ENOSF1: variants seen among roughly 807,000 people sequenced by gnomAD.
ENOSF1 encodes the protein enolase superfamily member 1.
ENOSF1 carries 73 observed loss-of-function variants against 68.2 expected under a neutral mutation model. That is an observed-to-expected ratio of 1.07 (90% CI 0.89 to 1.30). The LOEUF (loss-of-function observed/expected upper bound fraction) is 1.30, where lower values mean the gene tolerates loss of function less well. Among genes scored for constraint, ENOSF1 ranks in the 50% most tolerant of loss-of-function variants. The probability of loss-of-function intolerance (pLI) is 0.00; values close to 1 mark genes in which losing one functional copy is unlikely to be tolerated. For synonymous variants in ENOSF1, 223 were observed against 210.4 expected (o/e 1.06, Z -0.52); for missense variants, 589 against 554.5 (o/e 1.06, Z -0.62).
At chr18:699,503 A>C (rs1398411986) in intron 2 of ENOSF1, among the ~76,000 whole-genome samples, 1 of 151,784 alleles carries the variant, frequency 6.6e-6, no homozygotes, top group Admixed American at 6.6e-5. Context: ...TAATAATAAT[A>C]ATATAAAGGC....
chr18:689,776 G>T (rs942409781), intron 8 of ENOSF1, among the ~76,000 whole-genome samples: 1 of 152,162 alleles, frequency 6.6e-6, no homozygotes, highest in African/African-American at 2.4e-5. Flanking sequence ...TTTTGTACGT[G>T]AACGAGAGAG....
chr18:706,297 G>A (rs1354890362), intron 2 of ENOSF1, among the ~76,000 whole-genome samples, 173 bp downstream of exon 2: 1 of 134,096 alleles, frequency 7.5e-6, no homozygotes, highest in Non-Finnish European at 1.6e-5. Flanking sequence ...ATTTCTCCCA[G>A]TGAAACAAGT....
chr18:693,833 T>C (rs772966644), intron 5 of ENOSF1, 49 bp downstream of exon 5: 5 of 1,610,808 alleles, frequency 3.1e-6, no homozygotes, highest in Non-Finnish European at 3.4e-6. Flanking sequence ...TCATCAATGA[T>C]ATCCATTTCA....
At position 691,321 on chromosome 18, in the gene ENOSF1, G is replaced by T. The variant is rs768349528; in HGVS notation, c.424-45C>A. 16 of 1,494,338 alleles carry T rather than the reference G, an allele frequency of 1.1e-5. No homozygotes were observed. The South Asian group carries it at 1.9e-4, about 18-fold the overall frequency. The allele number at this position is 1,494,338 out of a possible 1,614,324, so 92.6% of individuals were successfully genotyped here. A position where few individuals can be genotyped will look rare whatever the true frequency, so the allele number is the denominator to read the frequency against. On this transcript the variant is annotated intron_variant, in intron 5 of 15. Transcript: ENST00000647584. ...GGAAGAGGCCTGAATCAATTATAAG[G>T]TGGGTTATATTTTGTTTTTTAAAAT...
intron 1 of ENOSF1, among the ~76,000 whole-genome samples, chr18:708,513 A>G (rs1306764573): frequency 6.6e-6 from 1 of 152,186 alleles, no homozygotes; most frequent in African/African-American, 2.4e-5. Context: ...TCTAAAATAA[A>G]TAAATAAAAA....
In ENOSF1 at chr18:674,331, T is replaced by C. The variant is rs1305761428; in HGVS notation, c.1306A>G (p.Lys436Glu). The C allele has an allele frequency of 6.2e-7, 1 of 1,612,276 alleles. No homozygotes were observed. ...HQYPDGEVWK[K>E]LLPAQEN ...TAATTTTCTTGAGCAGGAAGGAGTT[T>C]CTTCCAAACTTCACCATCTGGATAC... is the stretch of plus-strand genomic sequence containing the variant. Residue 436 changes from lysine (K) to glutamate (E), a missense_variant, in exon 16 of 16, where the codon AAA (lysine) becomes GAA (glutamate). Transcript: ENST00000647584.
rs913894727 is a variant in ENOSF1 at position 677,796 on chromosome 18, A to C, written c.995T>G (p.Leu332Arg). Residue 332 changes from leucine (L) to arginine (R), a missense_variant, in exon 13 of 16, where the codon CTG (leucine) becomes CGG (arginine). Transcript: ENST00000647584. Reference protein sequence around the residue: ...LQFLQIDSCRLGSVNENLSVL... With the variant: ...LQFLQIDSCRRGSVNENLSVL... The stretch of plus-strand genomic sequence containing the variant: ...TGAGAGGTTCTCATTGACACTGCCC[A>C]GTCTGCAACTGTCAATCTGGAGGAA... 6.2e-7 allele frequency: 1 copy of C among 1,614,070 alleles called. No homozygotes were observed. Among genetic ancestry groups the C allele is most frequent in the African/African-American group, 1.3e-5 (1 of 74,924 alleles).
At chr18:698,035 C>A (rs1228722023) in intron 2 of ENOSF1, among the ~76,000 whole-genome samples, 1 of 152,174 alleles carries the variant, frequency 6.6e-6, no homozygotes, top group Non-Finnish European at 1.5e-5. Flanking sequence ...CTCAAGTGAT[C>A]CACCCGCCTT....
chr18:681,897 T>C (rs1257948641), intron 11 of ENOSF1, among the ~76,000 whole-genome samples: 2 of 152,202 alleles, frequency 1.3e-5, no homozygotes, highest in African/African-American at 4.8e-5. Flanking sequence ...ATGTAGATCA[T>C]GTGCTGATTT....
At chr18:667,173 TGATGGTGATGGTGATGGA>T (rs2074855903), downstream of ENOSF1, among the ~76,000 whole-genome samples, 2 of 67,314 alleles carry the variant, frequency 3.0e-5, no homozygotes, top group East Asian at 5.3e-4. Context: ...ATGGTGATGG[TGATGGTGATGGTGATGGA>T]GATGGTGATG....
chr18:688,028 G>C lies in ENOSF1; in HGVS notation c.653+546C>G, dbSNP rs554887571. The C allele has an allele frequency of 9.9e-4, 152 of 153,694 alleles. No homozygotes were observed. In the Middle Eastern group the frequency reaches 0.01, roughly 10 times the overall value. The allele number at this position is 153,694 out of a possible 1,614,324, so 9.5% of individuals were successfully genotyped here. A position where few individuals can be genotyped will look rare whatever the true frequency, so the allele number is the denominator to read the frequency against. On this transcript the variant is annotated intron_variant, in intron 9 of 15. Coordinates refer to ENST00000647584, the MANE Select transcript of ENOSF1 (RefSeq NM_017512.7). ...TTAAAAATACAAAAATTAGCCAGGT[G>C]TGGTGGCGGGTGTCTGTAATCCCAG...
intron 11 of ENOSF1, 109 bp downstream of exon 11, chr18:683,137 C>T: frequency 1.5e-6 from 2 of 1,342,264 alleles, no homozygotes; most frequent in Middle Eastern, 1.9e-4. Flanking sequence ...GCTACTTCAA[C>T]AGGAAATGCA....
At position 706,518 on chromosome 18, in the gene ENOSF1, T is replaced by G. The variant is rs1337026417; in HGVS notation, c.145A>C (p.Ile49Leu). ...GTGAAGGTAATTCCACACCCCTTGATTCCATCTTCTGCATCAGTTTCTATG... is the reference window on the plus strand; with the variant it reads ...GTGAAGGTAATTCCACACCCCTTGAGTCCATCTTCTGCATCAGTTTCTATG... ...VVIETDAEDGIKGCGITFTLG... is the reference protein window; with the variant it reads ...VVIETDAEDGLKGCGITFTLG... The change falls in exon 2 of 16, where the codon ATC (isoleucine) becomes CTC (leucine). Residue 49 changes from isoleucine to leucine, a missense_variant. Physicochemically the swap from Ile to Leu is conservative, Grantham distance 5. Transcript: ENST00000647584. 1.2e-6 allele frequency: 2 copies of G among 1,613,882 alleles called. No individual in the cohort carries two copies. The highest frequency in any genetic ancestry group is 1.7e-5 in the Admixed American group (1 of 59,982).
At chr18:677,721 G>GAT in intron 13 of ENOSF1, 22 bp downstream of exon 13, 2 of 1,605,714 alleles carry the variant, frequency 1.2e-6, no homozygotes, top group Non-Finnish European at 1.7e-6. Context: ...GGTCTGGTCT[G>GAT]CAGCCGCTGC....
chr18:694,547 G>A (rs990652595), intron 3 of ENOSF1, among the ~76,000 whole-genome samples: 22 of 150,772 alleles, frequency 1.5e-4, no homozygotes, highest in Non-Finnish European at 8.8e-5. Context: ...AGGATCTCTC[G>A]AACCCAGAAG....
chr18:697,519 G>C (rs567742179), intron 2 of ENOSF1, among the ~76,000 whole-genome samples, 164 bp from the exon 3 acceptor site: 1 of 152,200 alleles, frequency 6.6e-6, no homozygotes, highest in Non-Finnish European at 1.5e-5. Flanking sequence ...GGGAGGCCAC[G>C]GCAGGAGGAC....
intron 1 of ENOSF1, among the ~76,000 whole-genome samples, chr18:709,459 C>T (rs1281674123): frequency 6.6e-6 from 1 of 152,106 alleles, no homozygotes; most frequent in African/African-American, 2.4e-5. Context: ...AAGAAAGGAA[C>T]AGAAGTAGAT....
Position 672,734 on chromosome 18 carries a change from C to A in ENOSF1, c.*1571G>T. The stretch of plus-strand genomic sequence containing the variant: ...TACATAACCTACGGCAAGGTATCGA[C>A]AGGATCATACTCCTGTAAAATAGAA... On this transcript the variant is annotated 3_prime_UTR_variant, in exon 16 of 16. Transcript: ENST00000647584. 2 of 1,103,412 alleles carry A rather than the reference C, an allele frequency of 1.8e-6. No homozygotes were observed. Among genetic ancestry groups the A allele is most frequent in the Non-Finnish European group, 2.5e-6 (2 of 786,254 alleles). 68.4% of individuals were successfully genotyped at this position (1,103,412 alleles called of 1,614,324 possible). A position where few individuals can be genotyped will look rare whatever the true frequency, so the allele number is the denominator to read the frequency against.
chr18:711,765 T>C lies in ENOSF1; in HGVS notation c.84+739A>G, dbSNP rs554620761. On this transcript the variant is annotated intron_variant, in intron 1 of 15. Transcript: ENST00000647584. ...TTACATCTCTTAAGACGAACTGACA[T>C]TTGCATCAGTCCTTTCTAAGCGTGT... Among the ~76,000 whole-genome samples, 43 of 152,316 alleles carry C rather than the reference T, an allele frequency of 2.8e-4. 1 individual carries two copies. Among genetic ancestry groups the C allele is most frequent in the African/African-American group, 8.9e-4 (37 of 41,570 alleles).
Sources: gnomAD v4.1 joint callset for allele counts (sites outside exome capture counted in the v4.1 genomes callset) on GRCh38, gnomAD v4.1.1 for gene constraint, MANE v1.5 for transcripts, NCBI Gene and HGNC (gene_info 2026-07-23, HGNC 2026-07-21) for gene names.